ALG14: variants seen among roughly 807,000 people sequenced by gnomAD.
The protein encoded by ALG14 is ALG14 UDP-N-acetylglucosaminyltransferase subunit.
A neutral mutation model predicts 22.8 loss-of-function variants in ALG14; 17 were observed. That is an observed-to-expected ratio of 0.75 (90% CI 0.51 to 1.12). The LOEUF (loss-of-function observed/expected upper bound fraction) is 1.12, where lower values mean the gene tolerates loss of function less well. Ranked by LOEUF, ALG14 falls within the 50% of genes most tolerant of loss-of-function variation. ALG14 has a pLI of 0.00. For synonymous variants in ALG14, 89 were observed against 103.7 expected, an observed-to-expected ratio of 0.86 and a Z score of 0.86; for missense variants, 288 against 271.8, an observed-to-expected ratio of 1.06 and a Z score of -0.42.
rs956847909 is a variant in ALG14, at chr1:94,976,730, CCT to C, written c.*6344_*6345del. On this transcript the variant is annotated 3_prime_UTR_variant, in exon 4 of 4. Coordinates refer to ENST00000370205, the MANE Select transcript of ALG14 (RefSeq NM_144988.4). ...AAAGATGTCCCCTAATATTCCACCCCCTGATTTACATGCCCTGGATAATCTAC... is the reference window on the plus strand; with the variant it reads ...AAAGATGTCCCCTAATATTCCACCCCGATTTACATGCCCTGGATAATCTAC... The C allele has an allele frequency of 1.6e-4, 24 of 152,044 alleles. No individual in the cohort carries two copies. The highest frequency in any genetic ancestry group is 5.2e-4 in the Admixed American group (8 of 15,248). 9.4% of individuals were successfully genotyped at this position (152,044 alleles called of 1,614,324 possible). A position where few individuals can be genotyped will look rare whatever the true frequency, so the allele number is the denominator to read the frequency against.
intron 3 of ALG14, among the ~76,000 whole-genome samples, chr1:94,996,827 GCC>G (rs1672920827): frequency 6.6e-6 from 1 of 151,952 alleles, no homozygotes; most frequent in Non-Finnish European, 1.5e-5. Context: ...GATTACAGGT[GCC>G]CACCACCATG....
rs1571597525 is a variant in ALG14 at position 95,006,350 on chromosome 1, T to C, written c.420+20779A>G. On this transcript the variant is annotated intron_variant, in intron 3 of 3. Transcript: ENST00000370205. ...TGGAATTATATATAGGTAGGTTCCA[T>C]TAACTATGACTTTCATTTTAGGATA... 4.6e-5 allele frequency among the ~76,000 whole-genome samples: 7 copies of C among 152,338 alleles called. No individual in the cohort carries two copies. The South Asian group carries it at 1.4e-3, about 32-fold the overall frequency.
intron 3 of ALG14, among the ~76,000 whole-genome samples, chr1:95,009,649 G>A (rs892122608): frequency 5.3e-5 from 8 of 152,138 alleles, no homozygotes; most frequent in African/African-American, 2.4e-5. Context: ...ACATGTAACA[G>A]TCATGAAAGA....
At chr1:95,032,364 TG>T (rs893648304) in intron 2 of ALG14, among the ~76,000 whole-genome samples, 6 of 152,048 alleles carry the variant, frequency 3.9e-5, no homozygotes, top group Admixed American at 2.0e-4. Flanking sequence ...TTGAACTGAA[TG>T]GAATTCATGA....
chr1:95,026,066 G>A (rs938179917), intron 3 of ALG14, among the ~76,000 whole-genome samples: 25 of 152,034 alleles, frequency 1.6e-4, no homozygotes, highest in African/African-American at 6.0e-4. Context: ...CCGAGTAGCT[G>A]GGACTACAGG....
At chr1:94,996,161 CA>C (rs1265005325) in intron 3 of ALG14, among the ~76,000 whole-genome samples, 2 of 152,220 alleles carry the variant, frequency 1.3e-5, no homozygotes, top group Non-Finnish European at 2.9e-5. Context: ...TCACATTCAT[CA>C]GGGGTACTTA....
In ALG14 at chr1:94,982,938, A is replaced by T; in HGVS notation, c.*138T>A. On this transcript the variant is annotated 3_prime_UTR_variant, in exon 4 of 4. Transcript: ENST00000370205. Reference sequence around the variant, plus strand: ...TCAGTTTCTTCACTGAGTCATCTGTACATTTTTTATTCCTTACCATCAATA... The same window carrying T: ...TCAGTTTCTTCACTGAGTCATCTGTTCATTTTTTATTCCTTACCATCAATA... 1 of 683,486 alleles carries T rather than the reference A, an allele frequency of 1.5e-6. No homozygotes were observed. Among genetic ancestry groups the T allele is most frequent in the Non-Finnish European group, 2.5e-6 (1 of 401,794 alleles). The allele number at this position is 683,486 out of a possible 1,614,324, so 42.3% of individuals were successfully genotyped here. A position where few individuals can be genotyped will look rare whatever the true frequency, so the allele number is the denominator to read the frequency against.
chr1:95,069,737 C>G (rs1208760653), intron 1 of ALG14, among the ~76,000 whole-genome samples: 1 of 152,216 alleles, frequency 6.6e-6, no homozygotes, highest in Non-Finnish European at 1.5e-5. Flanking sequence ...CTCCTGTCCT[C>G]TGTCTCTCAG....
intron 2 of ALG14, among the ~76,000 whole-genome samples, chr1:95,064,545 GT>G (rs1557657360): frequency 1.3e-5 from 2 of 152,080 alleles, no homozygotes; most frequent in East Asian, 1.9e-4. Flanking sequence ...TAATTACGTC[GT>G]TTTTGTCTTT....
chr1:95,021,599 T>C (rs376092266), intron 3 of ALG14, among the ~76,000 whole-genome samples: 1 of 152,208 alleles, frequency 6.6e-6, no homozygotes, highest in South Asian at 2.1e-4. Flanking sequence ...ATAGAGCTCC[T>C]GCTTCACATG....
chr1:95,023,453 A>G (rs558026446), intron 3 of ALG14, among the ~76,000 whole-genome samples: 3 of 152,168 alleles, frequency 2.0e-5, no homozygotes, highest in Non-Finnish European at 4.4e-5. Context: ...GAACTTAGAC[A>G]TTTCACAGCT....
At chr1:95,071,372 A>G (rs538917880) in intron 1 of ALG14, among the ~76,000 whole-genome samples, 1 of 152,106 alleles carries the variant, frequency 6.6e-6, no homozygotes. Flanking sequence ...ATGGTGAAAC[A>G]CTGTCTGTAC....
At position 94,983,253 on chromosome 1, in the gene ALG14, G is replaced by C. The variant is rs769984980; in HGVS notation, c.474C>G (p.Leu158=). The change falls in exon 4 of 4, where the codon CTC becomes CTG. Residue 158 remains leucine (L), a synonymous_variant. Coordinates refer to ENST00000370205, the MANE Select transcript of ALG14 (RefSeq NM_144988.4). ...TCVPICVSAL[L]LGILGIKKVI... ...CTTTCTTTATTCCTAGTATCCCAAG[G>C]AGAAGGGCAGATACACAGATAGGAA... 2 of 1,614,156 alleles carry C rather than the reference G, an allele frequency of 1.2e-6. No homozygotes were observed. Among genetic ancestry groups the C allele is most frequent in the South Asian group, 2.2e-5 (2 of 91,086 alleles).
chr1:95,053,977 GT>G (rs1323981283), intron 2 of ALG14, among the ~76,000 whole-genome samples: 8 of 152,144 alleles, frequency 5.3e-5, no homozygotes, highest in Non-Finnish European at 2.9e-5. Flanking sequence ...TCAGATTAGA[GT>G]TTTACAAAAA....
intron 3 of ALG14, among the ~76,000 whole-genome samples, chr1:95,025,982 G>A (rs911413013): frequency 6.6e-6 from 1 of 152,138 alleles, no homozygotes; most frequent in African/African-American, 2.4e-5. Context: ...GCCCAGGCTG[G>A]AGTGCAGTGG....
intron 1 of ALG14, among the ~76,000 whole-genome samples, chr1:95,069,041 T>A (rs1252317167): frequency 2.0e-5 from 3 of 152,204 alleles, no homozygotes; most frequent in Non-Finnish European, 4.4e-5. Flanking sequence ...GACTCCAGTC[T>A]CTCAACTCTG....
At chr1:94,995,861 T>C (rs1315584670) in intron 3 of ALG14, among the ~76,000 whole-genome samples, 1 of 152,204 alleles carries the variant, frequency 6.6e-6, no homozygotes, top group East Asian at 1.9e-4. Context: ...TTTCCCAAAA[T>C]CCTAGCAGTG....
chr1:95,052,860 A>G (rs1674796751), intron 2 of ALG14, among the ~76,000 whole-genome samples: 1 of 149,370 alleles, frequency 6.7e-6, no homozygotes, highest in South Asian at 2.1e-4. Context: ...GCATCTCGAA[A>G]AAAAAAAAAA....
In ALG14 at chr1:95,060,703, G is replaced by C. The variant is rs144110504; in HGVS notation, c.288+4163C>G. Reference sequence around the variant, plus strand: ...TGCACTCCAGCCTGGGTGACAAAGTGAGACTCTGTTTAAAAAAAAAACAAC... The same window carrying C: ...TGCACTCCAGCCTGGGTGACAAAGTCAGACTCTGTTTAAAAAAAAAACAAC... On this transcript the variant is annotated intron_variant, in intron 2 of 3. Coordinates refer to ENST00000370205, the MANE Select transcript of ALG14 (RefSeq NM_144988.4). Among the ~76,000 whole-genome samples the C allele has an allele frequency of 6.3e-4, 96 of 151,960 alleles. 1 individual carries two copies. In the East Asian group the frequency reaches 9.3e-3, roughly 15 times the overall value.
Sources: gnomAD v4.1 joint callset for allele counts (sites outside exome capture counted in the v4.1 genomes callset) on GRCh38, gnomAD v4.1.1 for gene constraint, MANE v1.5 for transcripts, NCBI Gene and HGNC (gene_info 2026-07-23, HGNC 2026-07-21) for gene names.